Variants in SLC39A5 observed in about 807,000 individuals in gnomAD.
SLC39A5 encodes zinc transporter ZIP5.
Under a neutral mutation model 46.9 loss-of-function variants are expected in SLC39A5, and 42 were observed. That is an observed-to-expected ratio of 0.90 (90% CI 0.70 to 1.16). The LOEUF (loss-of-function observed/expected upper bound fraction) is 1.16. Among genes scored for constraint, SLC39A5 ranks in the 50% most tolerant of loss-of-function variants. The probability of loss-of-function intolerance (pLI) is 0.00; values close to 1 mark genes in which losing one functional copy is unlikely to be tolerated. For missense variants in SLC39A5, 677 were observed against 686.8 expected, an observed-to-expected ratio of 0.99 and a Z score of 0.16; for synonymous variants, 311 against 323.1, an observed-to-expected ratio of 0.96 and a Z score of 0.40.
chr12:56,234,200 T>C (rs1038151308), intron 5 of SLC39A5, among the ~76,000 whole-genome samples: 10 of 151,698 alleles, frequency 6.6e-5, no homozygotes, highest in African/African-American at 2.4e-4. Flanking sequence ...CAGGCTGGAG[T>C]GCAATGGCGT....
At chr12:56,232,603 C>A in intron 4 of SLC39A5, 86 bp from the exon 5 acceptor site, 1 of 1,249,436 alleles carries the variant, frequency 8.0e-7, no homozygotes, top group South Asian at 1.6e-5. Context: ...CTAGTCCCCC[C>A]ATTCCCCCTA....
intron 10 of SLC39A5, 83 bp downstream of exon 10, chr12:56,236,829 T>A: frequency 6.3e-7 from 1 of 1,583,626 alleles, no homozygotes; most frequent in Admixed American, 1.7e-5. Context: ...GAGAGGGCCG[T>A]CAGGAAGATG....
At chr12:56,233,950 A>G (rs1870479541) in intron 5 of SLC39A5, among the ~76,000 whole-genome samples, 1 of 152,186 alleles carries the variant, frequency 6.6e-6, no homozygotes, top group South Asian at 2.1e-4. Flanking sequence ...CAGAGTTTGC[A>G]GGGAAGATGA....
At position 56,235,590 on chromosome 12, in the gene SLC39A5, G is replaced by A. The variant is rs576106557; in HGVS notation, c.835G>A (p.Gly279Arg). ...AGAAGGGCGGCACGCAGGACCTGGC[G>A]GACTACCAGAGAAGGACCTGGGCCC... ...AQEGRHAGPG[G>R]LPEKDLGPGL... The change falls in exon 8 of 13, where the codon GGA (glycine) becomes AGA (arginine). Residue 279 changes from glycine (G) to arginine (R), a missense_variant. By Grantham distance (125) the Gly-to-Arg change is moderately radical (BLOSUM62 -2). Coordinates refer to ENST00000454355, the MANE Select transcript of SLC39A5 (RefSeq NM_173596.3). 4.4e-5 allele frequency: 71 copies of A among 1,614,110 alleles called. No individual in the cohort carries two copies. In the Admixed American group the frequency reaches 8.0e-4, roughly 18 times the overall value.
At chr12:56,234,757 G>A in intron 5 of SLC39A5, 67 bp from the exon 6 acceptor site, 4 of 1,564,038 alleles carry the variant, frequency 2.6e-6, no homozygotes, top group Non-Finnish European at 3.5e-6. Context: ...ACTACACCTG[G>A]CCAGGTGTTA....
At chr12:56,230,921 G>T in intron 3 of SLC39A5, 48 bp downstream of exon 3, 1 of 239,112 alleles carries the variant, frequency 4.2e-6, no homozygotes. Flanking sequence ...GGGGATTGAG[G>T]GGGGATAAAG....
At chr12:56,234,378 A>G (rs1056934568) in intron 5 of SLC39A5, among the ~76,000 whole-genome samples, 24 of 147,072 alleles carry the variant, frequency 1.6e-4, no homozygotes, top group Non-Finnish European at 3.1e-4. Flanking sequence ...GCACTGGTGC[A>G]ATCTCGGCTC....
chr12:56,232,490 CCTT>C (rs1870323217), intron 4 of SLC39A5, among the ~76,000 whole-genome samples, 196 bp from the exon 5 acceptor site: 1 of 152,098 alleles, frequency 6.6e-6, no homozygotes, highest in African/African-American at 2.4e-5. Flanking sequence ...TGGTTGTCGT[CCTT>C]TTTTTTCTGT....
At position 56,237,772 on chromosome 12, in the gene SLC39A5, C is replaced by G. The variant is rs375366401; in HGVS notation, c.*41C>G. 1.3e-5 allele frequency: 19 copies of G among 1,504,774 alleles called. No individual in the cohort carries two copies. Among genetic ancestry groups the G allele is most frequent in the African/African-American group, 2.8e-5 (2 of 70,936 alleles). 93.2% of individuals were successfully genotyped at this position (1,504,774 alleles called of 1,614,324 possible). A position where few individuals can be genotyped will look rare whatever the true frequency, so the allele number is the denominator to read the frequency against. The stretch of plus-strand genomic sequence containing the variant: ...GGGGTCGGGTTGCCCTTCCTTCCCC[C>G]CAACCACAGGAATGGAGGCGGGACA... On this transcript the variant is annotated 3_prime_UTR_variant, in exon 13 of 13. Coordinates refer to ENST00000454355, the MANE Select transcript of SLC39A5 (RefSeq NM_173596.3).
chr12:56,237,289 G>A lies in SLC39A5; in HGVS notation c.1428G>A (p.Trp476Ter), dbSNP rs929019455. The A allele has an allele frequency of 5.6e-6, 9 of 1,612,826 alleles. No homozygotes were observed. The Admixed American group carries it at 1.2e-4, about 21-fold the overall frequency. The change falls in exon 12 of 13, where the codon TGG becomes TGA. Residue 476 changes from tryptophan to a stop codon, truncating the protein, a stop_gained. Coordinates refer to ENST00000454355, the MANE Select transcript of SLC39A5 (RefSeq NM_173596.3). LOFTEE classifies it high-confidence loss of function. ...TGGGCCCTGTCCCCCTCACTCCCTG[G>A]GTGTTTGGGGTCACTGCTGGGGTCT... ...LSLGPVPLTP[W>*]VFGVTAGVFL...
At chr12:56,235,757 G>A (rs1565601455) in intron 8 of SLC39A5, 57 bp downstream of exon 8, 1 of 1,606,680 alleles carries the variant, frequency 6.2e-7, no homozygotes, top group South Asian at 1.1e-5. Flanking sequence ...GTCAAGAACT[G>A]GGCCAGGCCG....
chr12:56,231,617 T>C, intron 4 of SLC39A5, 56 bp downstream of exon 4: 1 of 1,475,532 alleles, frequency 6.8e-7, no homozygotes, highest in Non-Finnish European at 9.0e-7. Flanking sequence ...CTCTCAGTGC[T>C]TGCCCCCAGT....
intron 5 of SLC39A5, 118 bp from the exon 6 acceptor site, chr12:56,234,706 C>G (rs574947419): frequency 7.2e-6 from 8 of 1,103,744 alleles, no homozygotes; most frequent in Non-Finnish European, 9.3e-6. Flanking sequence ...GATGATACAC[C>G]CGCCTGGGCC....
rs76216511 is a variant in SLC39A5, at chr12:56,237,201, T to C, written c.1340T>C (p.Leu447Pro). 503 of 1,613,848 alleles carry C rather than the reference T, an allele frequency of 3.1e-4. No individual in the cohort carries two copies. Among genetic ancestry groups the C allele is most frequent in the Non-Finnish European group, 3.9e-4 (466 of 1,179,992 alleles). The part of the protein sequence containing the change: ...QSGLSFRRLL[L>P]LSLVSGALGL... The stretch of plus-strand genomic sequence containing the variant: ...GGGCTGTCCTTTCGGCGGCTGCTGC[T>C]GCTGAGCCTCGTGTCTGGAGCCCTG... Residue 447 changes from leucine to proline, a missense_variant, in exon 12 of 13, where the codon CTG becomes CCG. Physicochemically the swap from Leu to Pro is moderately conservative, Grantham distance 98. Coordinates refer to ENST00000454355, the MANE Select transcript of SLC39A5 (RefSeq NM_173596.3).
intron 4 of SLC39A5, 57 bp from the exon 5 acceptor site, chr12:56,232,632 C>A: frequency 6.7e-7 from 1 of 1,485,432 alleles, no homozygotes; most frequent in South Asian, 1.3e-5. Flanking sequence ...GGGAGCCTCT[C>A]AAAGCGGGTT....
At chr12:56,234,534 C>T (rs529152352) in intron 5 of SLC39A5, among the ~76,000 whole-genome samples, 12 of 152,050 alleles carry the variant, frequency 7.9e-5, no homozygotes, top group African/African-American at 1.4e-4. Context: ...AGGCTGGTCT[C>T]GAACTCCTGA....
rs1870627865 is a variant in SLC39A5, at chr12:56,235,282, G to T, written c.760G>T (p.Val254Leu). The change falls in exon 7 of 13, where the codon GTG becomes TTG. Residue 254 changes from valine (V) to leucine (L), a missense_variant. By Grantham distance (32) the Val-to-Leu change is conservative. Coordinates refer to ENST00000454355, the MANE Select transcript of SLC39A5 (RefSeq NM_173596.3). ...PLLGFLGALA[V>L]GTLCGDALLH... ...GCTGGGCTTCCTGGGGGCCCTGGCG[G>T]TGGGCACTCTTTGTGGGGATGCACT... 6.4e-7 allele frequency: 1 copy of T among 1,553,854 alleles called. No individual in the cohort carries two copies.
chr12:56,232,188 C>T (rs1446103579), intron 4 of SLC39A5, among the ~76,000 whole-genome samples: 2 of 109,414 alleles, frequency 1.8e-5, no homozygotes, highest in African/African-American at 7.1e-5. Context: ...TTTTTTGAGA[C>T]AGAGTCTCGC....
intron 4 of SLC39A5, 57 bp downstream of exon 4, chr12:56,231,618 T>C: frequency 1.4e-6 from 2 of 1,476,600 alleles, no homozygotes; most frequent in Non-Finnish European, 9.0e-7. Context: ...TCTCAGTGCT[T>C]GCCCCCAGTT....
Sources: allele counts gnomAD v4.1 joint callset (sites outside exome capture counted in the v4.1 genomes callset), GRCh38; gene constraint gnomAD v4.1.1; transcripts MANE v1.5; gene names NCBI Gene and HGNC (gene_info 2026-07-23, HGNC 2026-07-21).